The following ABCB4 variants were observed in gnomAD, a reference collection of about 807,000 sequenced individuals.
The protein encoded by ABCB4 is phosphatidylcholine translocator ABCB4.
In ABCB4, 76 loss-of-function variants were observed where a neutral mutation model predicts 145.7. That is an observed-to-expected ratio of 0.52 (90% CI 0.43 to 0.63). The LOEUF is 0.63. ABCB4 is among the 30% of genes least tolerant of loss of function. ABCB4 has a pLI of 0.00. For synonymous variants in ABCB4, 517 were observed against 566.8 expected, an observed-to-expected ratio of 0.91 and a Z score of 1.25; for missense variants, 1,234 against 1,553.1, an observed-to-expected ratio of 0.79 and a Z score of 3.45.
chr7:87,370,236 G>A, the ABCB4 span, among the ~76,000 whole-genome samples: 2 of 152,068 alleles, frequency 1.3e-5, no homozygotes, highest in African/African-American at 4.8e-5. Flanking sequence ...AGGCTGGAGT[G>A]CAGAGGCACA....
At chr7:87,451,057 T>C (rs1299260199) in intron 7 of ABCB4, among the ~76,000 whole-genome samples, 2 of 152,164 alleles carry the variant, frequency 1.3e-5, no homozygotes, top group African/African-American at 4.8e-5. Flanking sequence ...AAAATTTTTA[T>C]GTTCATGCAA....
At chr7:87,419,948 A>G in intron 19 of ABCB4, 50 bp downstream of exon 19, 2 of 1,557,100 alleles carry the variant, frequency 1.3e-6, no homozygotes, top group South Asian at 1.1e-5. Context: ...GAAGCTTAAT[A>G]TGGAAGAAAT....
At position 87,443,361 on chromosome 7, in the gene ABCB4, C is replaced by A. The variant is rs45624933; in HGVS notation, c.1314G>T (p.Thr438=). The change falls in exon 12 of 28, where the codon ACG becomes ACT. Residue 438 remains threonine, a synonymous_variant. Coordinates refer to ENST00000649586, the MANE Select transcript of ABCB4 (RefSeq NM_000443.4). ...CATAGAGCCTCTGTATCAGCTGGACCGTTGTGCTCTTCCCACAGCCACTAC... is the reference window on the plus strand; with the variant it reads ...CATAGAGCCTCTGTATCAGCTGGACAGTTGTGCTCTTCCCACAGCCACTAC... The part of the protein sequence containing the change: ...VGSSGCGKST[T]VQLIQRLYDP... 2 of 1,614,046 alleles carry A rather than the reference C, an allele frequency of 1.2e-6. No individual in the cohort carries two copies. The highest frequency in any genetic ancestry group is 2.2e-5 in the South Asian group (2 of 91,080).
Position 87,440,331 on chromosome 7 carries a change from A to T in ABCB4, c.1428T>A (p.Ser476Arg), listed in dbSNP as rs1259499065. ...NYLREIIGVV[S>R]QEPVLFSTTI... ...TGGTGGAAAACAGCACCGGCTCCTGACTCACCACACCAATGATTTCCCTCA... is the reference window on the plus strand; with the variant it reads ...TGGTGGAAAACAGCACCGGCTCCTGTCTCACCACACCAATGATTTCCCTCA... The change falls in exon 13 of 28, where the codon AGT (serine) becomes AGA (arginine). Residue 476 changes from serine to arginine, a missense_variant. Ser to Arg is a moderately radical substitution (Grantham distance 110). Transcript: ENST00000649586. 1.2e-6 allele frequency: 2 copies of T among 1,613,988 alleles called. No individual in the cohort carries two copies. The highest frequency in any genetic ancestry group is 2.7e-5 in the African/African-American group (2 of 74,904).
rs184214504 is a variant in ABCB4 at position 87,422,183 on chromosome 7, T to G, written c.2254A>C (p.Asn752His). 6.1e-4 allele frequency: 992 copies of G among 1,613,790 alleles called. 6 individuals are homozygous for G. Among genetic ancestry groups the G allele is most frequent in the Non-Finnish European group, 6.5e-5 (77 of 1,179,780 alleles). The change falls in exon 18 of 28, where the codon AAC becomes CAC. Residue 752 changes from asparagine to histidine, a missense_variant. By Grantham distance (68) the Asn-to-His change is moderately conservative. Transcript: ENST00000649586. ...GDDAVKQQKCNIFSLIFLFLG... is the reference protein window; with the variant it reads ...GDDAVKQQKCHIFSLIFLFLG... ...AATAAGAAAATCAAAGAGAATATGT[T>G]GCACTTCTGCTGCTTCACTGCATCA...
At chr7:87,426,968 T>TGTGG in intron 15 of ABCB4, 48 bp from the exon 16 acceptor site, 1 of 1,534,944 alleles carries the variant, frequency 6.5e-7, no homozygotes, top group Non-Finnish European at 9.0e-7. Flanking sequence ...TGTGTGTGTG[T>TGTGG]GTGTGTGTGT....
At chr7:87,434,854 G>T (rs1054487287) in intron 14 of ABCB4, among the ~76,000 whole-genome samples, 1 of 152,244 alleles carries the variant, frequency 6.6e-6, no homozygotes, top group Admixed American at 6.5e-5. Context: ...GCACTGGGCT[G>T]TTGAAGAGAT....
intron 3 of ABCB4, among the ~76,000 whole-genome samples, chr7:87,467,431 C>T (rs1179035734): frequency 6.6e-6 from 1 of 151,460 alleles, no homozygotes; most frequent in East Asian, 1.9e-4. Context: ...AAAGAGACTC[C>T]CACACAATAA....
chr7:87,398,734 G>T, downstream of ABCB4: 1 of 1,236,332 alleles, frequency 8.1e-7, no homozygotes, highest in Non-Finnish European at 1.1e-6. Context: ...AAGGAATGTT[G>T]ACTTGCTAAC....
chr7:87,450,165 A>G, intron 7 of ABCB4, 73 bp from the exon 8 acceptor site: 1 of 1,593,038 alleles, frequency 6.3e-7, no homozygotes, highest in South Asian at 1.1e-5. Flanking sequence ...CAACCCTTTA[A>G]CCTACTTTTT....
intron 14 of ABCB4, among the ~76,000 whole-genome samples, chr7:87,433,633 G>T (rs571398331): frequency 1.5e-4 from 22 of 148,570 alleles, no homozygotes; most frequent in African/African-American, 5.2e-4. Context: ...TTGACCAAGA[G>T]AAGTTGGCCA....
chr7:87,474,445 G>C (rs1411113824), intron 2 of ABCB4, among the ~76,000 whole-genome samples: 1 of 152,120 alleles, frequency 6.6e-6, no homozygotes, highest in Admixed American at 6.5e-5. Context: ...CACATTAACA[G>C]GCTAAAATAA....
chr7:87,436,233 T>G (rs949623409), intron 14 of ABCB4, among the ~76,000 whole-genome samples: 5 of 151,726 alleles, frequency 3.3e-5, no homozygotes, highest in African/African-American at 1.2e-4. Context: ...CCAATAAAAT[T>G]AGGGCAAAAA....
At chr7:87,468,612 G>A (rs996915519) in intron 3 of ABCB4, among the ~76,000 whole-genome samples, 3 of 152,104 alleles carry the variant, frequency 2.0e-5, no homozygotes, top group Non-Finnish European at 1.5e-5. Context: ...TATCCCTGAC[G>A]AACATCAATG....
intron 3 of ABCB4, among the ~76,000 whole-genome samples, chr7:87,469,878 A>C (rs904800707): frequency 3.3e-5 from 5 of 152,180 alleles, no homozygotes; most frequent in Admixed American, 1.3e-4. Flanking sequence ...CTTTAAAGTT[A>C]ATATGGAACC....
intron 6 of ABCB4, chr7:87,452,312 T>C (rs1378974832): frequency 5.4e-6 from 1 of 184,004 alleles, no homozygotes; most frequent in African/African-American, 2.4e-5. Flanking sequence ...GCCATTTCAC[T>C]GGGTGAAAGC....
chr7:87,392,635 G>C, the ABCB4 span: 1 of 1,613,158 alleles, frequency 6.2e-7, no homozygotes, highest in Non-Finnish European at 8.5e-7. Context: ...AGATTGTTCA[G>C]CTGGAAAAGG....
At chr7:87,412,932 T>C (rs1808723506) in intron 22 of ABCB4, among the ~76,000 whole-genome samples, 2 of 152,362 alleles carry the variant, frequency 1.3e-5, no homozygotes, top group Admixed American at 1.3e-4. Context: ...TCATATGAAG[T>C]GTGCATAACT....
the ABCB4 span, among the ~76,000 whole-genome samples, chr7:87,371,925 T>C: frequency 6.8e-6 from 1 of 147,956 alleles, no homozygotes; most frequent in African/African-American, 2.5e-5. Flanking sequence ...GCCCAGGAGG[T>C]CGAGGCTGCA....
Sources: gnomAD v4.1 joint callset for allele counts (sites outside exome capture counted in the v4.1 genomes callset) on GRCh38, gnomAD v4.1.1 for gene constraint, MANE v1.5 for transcripts, NCBI Gene and HGNC (gene_info 2026-07-23, HGNC 2026-07-21) for gene names.